The following CNTNAP5 variants were observed in gnomAD, a reference collection of about 807,000 sequenced individuals.
The protein encoded by CNTNAP5 is contactin-associated protein-like 5.
CNTNAP5 carries 72 observed loss-of-function variants against 150.2 expected under a neutral mutation model. That is an observed-to-expected ratio of 0.48 (90% CI 0.40 to 0.58). The LOEUF (loss-of-function observed/expected upper bound fraction) is 0.58. CNTNAP5 is among the 20% of genes least tolerant of loss of function. The pLI is 0.00. For missense variants in CNTNAP5, 1,636 were observed against 1,626.2 expected (o/e 1.01, Z -0.10); for synonymous variants, 672 against 619.8 (o/e 1.08, Z -1.25).
intron 3 of CNTNAP5, among the ~76,000 whole-genome samples, chr2:124,285,041 C>T (rs1688113276): frequency 6.6e-6 from 1 of 152,172 alleles, no homozygotes; most frequent in Non-Finnish European, 1.5e-5. Flanking sequence ...CCTCAGCCTT[C>T]TCAGTACAGT....
chr2:124,885,987 G>A (rs950628120), intron 21 of CNTNAP5, among the ~76,000 whole-genome samples: 1 of 151,932 alleles, frequency 6.6e-6, no homozygotes, highest in African/African-American at 2.4e-5. Flanking sequence ...ATATCTCTGG[G>A]AGGGGATTTG....
intron 1 of CNTNAP5, among the ~76,000 whole-genome samples, chr2:124,118,093 CTA>C (rs1311327938): frequency 1.3e-5 from 2 of 151,996 alleles, no homozygotes; most frequent in Non-Finnish European, 2.9e-5. Context: ...TTAAATGACA[CTA>C]TTCTTTTAAA....
intron 3 of CNTNAP5, among the ~76,000 whole-genome samples, chr2:124,364,648 A>G (rs923200540): frequency 6.6e-6 from 1 of 152,216 alleles, no homozygotes; most frequent in African/African-American, 2.4e-5. Flanking sequence ...AAGAATGAAC[A>G]CATTTAGTGA....
intron 3 of CNTNAP5, among the ~76,000 whole-genome samples, chr2:124,310,127 G>A (rs1437692991): frequency 6.6e-6 from 1 of 151,244 alleles, no homozygotes; most frequent in African/African-American, 2.4e-5. Context: ...TTATGCATAA[G>A]AATCTCCCAG....
intron 10 of CNTNAP5, among the ~76,000 whole-genome samples, chr2:124,536,714 G>C (rs892974290): frequency 6.6e-6 from 1 of 152,108 alleles, no homozygotes; most frequent in South Asian, 2.1e-4. Context: ...GCCAGGGAGG[G>C]GGCTACAGAG....
rs1468077866 is a variant in CNTNAP5, at chr2:124,915,409, C to G, written c.*1121C>G. Reference sequence around the variant, plus strand: ...AAGAAAAATACCAAACAGAATTCTTCCCTTCCATTCACTCACTAAAGACCT... The same window carrying G: ...AAGAAAAATACCAAACAGAATTCTTGCCTTCCATTCACTCACTAAAGACCT... On this transcript the variant is annotated 3_prime_UTR_variant, in exon 24 of 24. Transcript: ENST00000682447. 1 of 166,312 alleles carries G rather than the reference C, an allele frequency of 6.0e-6. No homozygotes were observed. The highest frequency in any genetic ancestry group is 1.5e-5 in the Non-Finnish European group (1 of 68,032). 10.3% of individuals were successfully genotyped at this position (166,312 alleles called of 1,614,324 possible). A position where few individuals can be genotyped will look rare whatever the true frequency, so the allele number is the denominator to read the frequency against.
At chr2:124,467,296 G>A (rs1693400075) in intron 6 of CNTNAP5, among the ~76,000 whole-genome samples, 2 of 151,040 alleles carry the variant, frequency 1.3e-5, no homozygotes, top group African/African-American at 5.0e-5. Context: ...CCAGATGAAT[G>A]AACTAATGGA....
intron 19 of CNTNAP5, among the ~76,000 whole-genome samples, chr2:124,840,901 C>A (rs1177013315): frequency 6.6e-6 from 1 of 152,108 alleles, no homozygotes; most frequent in Non-Finnish European, 1.5e-5. Context: ...GAGGACCAAG[C>A]AATGTGCAGA....
At chr2:124,567,880 G>T (rs906567641) in intron 11 of CNTNAP5, among the ~76,000 whole-genome samples, 9 of 139,106 alleles carry the variant, frequency 6.5e-5, no homozygotes, top group Admixed American at 1.4e-4. Flanking sequence ...TAGATAGATA[G>T]ATATAGATAG....
chr2:124,637,532 G>T (rs908896719), intron 12 of CNTNAP5, among the ~76,000 whole-genome samples: 5 of 152,136 alleles, frequency 3.3e-5, no homozygotes, highest in African/African-American at 1.2e-4. Context: ...CCAGATCGTT[G>T]CATTGTGAAG....
intron 3 of CNTNAP5, among the ~76,000 whole-genome samples, chr2:124,279,736 A>G (rs1183360730): frequency 1.3e-5 from 2 of 152,116 alleles, no homozygotes; most frequent in African/African-American, 4.8e-5. Context: ...TAAATAGGGT[A>G]GAGAGAAAGG....
intron 3 of CNTNAP5, among the ~76,000 whole-genome samples, chr2:124,356,226 A>C (rs1164786445): frequency 1.3e-5 from 2 of 152,184 alleles, no homozygotes; most frequent in African/African-American, 4.8e-5. Flanking sequence ...CTTCTACTAA[A>C]ATATGGACAT....
chr2:124,308,551 CTAT>C (rs757411879), intron 3 of CNTNAP5, among the ~76,000 whole-genome samples: 1 of 152,128 alleles, frequency 6.6e-6, no homozygotes, highest in African/African-American at 2.4e-5. Flanking sequence ...AAGCCAGACA[CTAT>C]TTAAACAGGC....
intron 10 of CNTNAP5, among the ~76,000 whole-genome samples, chr2:124,535,199 C>T (rs547705312): frequency 7.2e-5 from 11 of 152,166 alleles, no homozygotes; most frequent in South Asian, 4.2e-4. Flanking sequence ...GGGGAAGATC[C>T]GAGGAGATCC....
At chr2:124,835,373 T>C (rs768559006) in intron 19 of CNTNAP5, among the ~76,000 whole-genome samples, 18 of 152,164 alleles carry the variant, frequency 1.2e-4, no homozygotes, top group Non-Finnish European at 2.5e-4. Context: ...AACGACTAGA[T>C]TTAAGTGTAT....
At chr2:124,904,632 G>T (rs555902354) in intron 22 of CNTNAP5, among the ~76,000 whole-genome samples, 5 of 152,160 alleles carry the variant, frequency 3.3e-5, no homozygotes, top group African/African-American at 1.2e-4. Flanking sequence ...TGAAGAAAAT[G>T]TTGCTTATTC....
chr2:124,408,867 C>T (rs1056095100), intron 3 of CNTNAP5, among the ~76,000 whole-genome samples: 27 of 152,220 alleles, frequency 1.8e-4, no homozygotes, highest in African/African-American at 6.0e-4. Context: ...TCACCAGCAA[C>T]GGAACAAAGC....
intron 11 of CNTNAP5, among the ~76,000 whole-genome samples, chr2:124,604,711 TTTACAGTGTCCATAAATGGCAA>T (rs1460086028): frequency 6.6e-6 from 1 of 152,178 alleles, no homozygotes; most frequent in Non-Finnish European, 1.5e-5. Flanking sequence ...TATGAACTCA[TTTACAGTGTCCATAAATGGCAA>T]TGCTGTTACC....
chr2:124,790,248 TC>T, intron 18 of CNTNAP5, 107 bp downstream of exon 18: 1 of 1,227,198 alleles, frequency 8.1e-7, no homozygotes, highest in Non-Finnish European at 1.1e-6. Context: ...TCATCTACTC[TC>T]CCGCTGTTTA....
Sources: allele counts gnomAD v4.1 joint callset (sites outside exome capture counted in the v4.1 genomes callset), GRCh38; gene constraint gnomAD v4.1.1; transcripts MANE v1.5; gene names NCBI Gene and HGNC (gene_info 2026-07-23, HGNC 2026-07-21).